RCOR1: variants seen among roughly 807,000 people sequenced by gnomAD.
RCOR1 encodes REST corepressor 1, also known as REST corepressor.
A neutral mutation model predicts 64.0 loss-of-function variants in RCOR1; 12 were observed. The ratio of observed to expected loss-of-function variants is 0.19; its 90% CI spans 0.12 to 0.30. RCOR1 has a LOEUF of 0.30. Ranked by LOEUF, RCOR1 falls within the 10% of genes least tolerant of loss-of-function variation. The probability of loss-of-function intolerance (pLI) is 1.00; values close to 1 mark genes in which losing one functional copy is unlikely to be tolerated. For synonymous variants in RCOR1, 279 were observed against 227.2 expected (o/e 1.23, Z -2.05); for missense variants, 502 against 621.2 (o/e 0.81, Z 2.04).
chr14:102,653,620 A>G (rs908109167), intron 2 of RCOR1, among the ~76,000 whole-genome samples: 1 of 152,090 alleles, frequency 6.6e-6, no homozygotes, highest in Admixed American at 6.6e-5. Flanking sequence ...GTGGGGGCCC[A>G]TGATTGGATC....
intron 2 of RCOR1, among the ~76,000 whole-genome samples, chr14:102,623,911 T>C (rs185817917): frequency 6.6e-6 from 1 of 150,666 alleles, no homozygotes; most frequent in East Asian, 2.0e-4. Context: ...TACAAAACAT[T>C]AGCTGGGCAT....
At chr14:102,615,833 TG>T (rs1276953828) in intron 2 of RCOR1, among the ~76,000 whole-genome samples, 2 of 152,174 alleles carry the variant, frequency 1.3e-5, no homozygotes, top group African/African-American at 4.8e-5. Flanking sequence ...AATACAAACT[TG>T]GGTTTCTACC....
intron 7 of RCOR1, among the ~76,000 whole-genome samples, 181 bp downstream of exon 7, chr14:102,711,194 G>C (rs1895949759): frequency 6.6e-6 from 1 of 152,230 alleles, no homozygotes; most frequent in South Asian, 2.1e-4. Context: ...TTTGCTAATA[G>C]ATATGAATAA....
At chr14:102,673,908 C>T (rs2139951337) in intron 2 of RCOR1, among the ~76,000 whole-genome samples, 1 of 152,324 alleles carries the variant, frequency 6.6e-6, no homozygotes, top group Non-Finnish European at 1.5e-5. Context: ...AGCCACCGCG[C>T]CCAGCCCCCG....
intron 2 of RCOR1, among the ~76,000 whole-genome samples, chr14:102,654,790 T>TG (rs1370268242): frequency 6.7e-6 from 1 of 149,778 alleles, no homozygotes; most frequent in Non-Finnish European, 1.5e-5. Context: ...GGTTGAGTTT[T>TG]TTTTTTTTTT....
intron 2 of RCOR1, among the ~76,000 whole-genome samples, chr14:102,614,901 G>A (rs1199282488): frequency 1.3e-5 from 2 of 150,022 alleles, no homozygotes; most frequent in East Asian, 2.0e-4. Flanking sequence ...GCGTGATCTC[G>A]GCTCACTGCA....
rs1464556843 is a variant in RCOR1, at chr14:102,730,491, A to T, written c.*3985A>T. The T allele has an allele frequency of 6.5e-6, 1 of 153,184 alleles. No individual in the cohort carries two copies. Among genetic ancestry groups the T allele is most frequent in the African/African-American group, 2.4e-5 (1 of 41,480 alleles). The allele number at this position is 153,184 out of a possible 1,614,324, so 9.5% of individuals were successfully genotyped here. On this transcript the variant is annotated 3_prime_UTR_variant, in exon 12 of 12. Coordinates refer to ENST00000262241, the MANE Select transcript of RCOR1 (RefSeq NM_015156.4). ...GGAAAATTTATTTGTGAAATTCTGC[A>T]GAATTCATTTTTCTATTTCCAATAT...
intron 4 of RCOR1, among the ~76,000 whole-genome samples, chr14:102,705,043 G>A (rs1312645827): frequency 5.3e-5 from 8 of 152,000 alleles, no homozygotes; most frequent in African/African-American, 1.9e-4. Flanking sequence ...GGAGGATCGC[G>A]TGAGCCTAGA....
intron 2 of RCOR1, among the ~76,000 whole-genome samples, chr14:102,619,324 T>C (rs1893824762): frequency 6.6e-6 from 1 of 152,146 alleles, no homozygotes; most frequent in Non-Finnish European, 1.5e-5. Flanking sequence ...TTCACCATGT[T>C]GGTTAGGCTG....
chr14:102,599,449 T>C (rs1438689645), intron 2 of RCOR1, among the ~76,000 whole-genome samples: 1 of 152,178 alleles, frequency 6.6e-6, no homozygotes, highest in African/African-American at 2.4e-5. Flanking sequence ...TTACTATTTT[T>C]TAATTTTTTT....
chr14:102,719,412 C>G (rs188176005), intron 8 of RCOR1, among the ~76,000 whole-genome samples: 1 of 152,118 alleles, frequency 6.6e-6, no homozygotes, highest in South Asian at 2.1e-4. Flanking sequence ...CCCAACCCCA[C>G]GACAGGCCCC....
intron 2 of RCOR1, among the ~76,000 whole-genome samples, chr14:102,677,562 A>G (rs1318413160): frequency 8.9e-6 from 1 of 112,088 alleles, no homozygotes; most frequent in African/African-American, 3.8e-5. Context: ...CATCCCAGAC[A>G]GGGCGGCGGG....
At chr14:102,596,864 C>T (rs1893261330) in intron 2 of RCOR1, among the ~76,000 whole-genome samples, 1 of 146,008 alleles carries the variant, frequency 6.8e-6, no homozygotes, top group African/African-American at 2.6e-5. Context: ...TGTGACTGCC[C>T]CTCCCCCCGC....
At chr14:102,711,530 T>A (rs547972981) in intron 7 of RCOR1, among the ~76,000 whole-genome samples, 5 of 152,194 alleles carry the variant, frequency 3.3e-5, no homozygotes, top group African/African-American at 7.2e-5. Flanking sequence ...CTTATCATTT[T>A]AAAAAATCAT....
intron 2 of RCOR1, among the ~76,000 whole-genome samples, chr14:102,634,731 C>T (rs1894200974): frequency 6.6e-6 from 1 of 151,334 alleles, no homozygotes; most frequent in Non-Finnish European, 1.5e-5. Flanking sequence ...GAGTCTTGCT[C>T]TATCGCTCAG....
At chr14:102,615,070 A>T (rs1286431213) in intron 2 of RCOR1, among the ~76,000 whole-genome samples, 2 of 150,744 alleles carry the variant, frequency 1.3e-5, no homozygotes, top group Non-Finnish European at 3.0e-5. Context: ...TGACCTCGTG[A>T]TGTGCCCGCC....
At chr14:102,611,174 C>T (rs1024391346) in intron 2 of RCOR1, among the ~76,000 whole-genome samples, 3 of 151,940 alleles carry the variant, frequency 2.0e-5, no homozygotes, top group Non-Finnish European at 2.9e-5. Context: ...ACCATTCAGG[C>T]GATTCTCCTG....
At chr14:102,651,530 G>A (rs1441365780) in intron 2 of RCOR1, among the ~76,000 whole-genome samples, 4 of 150,488 alleles carry the variant, frequency 2.7e-5, no homozygotes, top group African/African-American at 9.8e-5. Context: ...TCTAGCCTGG[G>A]CAACAGAGTG....
At chr14:102,623,950 T>C (rs1417800557) in intron 2 of RCOR1, among the ~76,000 whole-genome samples, 2 of 151,484 alleles carry the variant, frequency 1.3e-5, no homozygotes, top group Non-Finnish European at 2.9e-5. Flanking sequence ...TCCCAGCTAC[T>C]TGGGAGGCTG....
Sources: allele counts gnomAD v4.1 joint callset (sites outside exome capture counted in the v4.1 genomes callset), GRCh38; gene constraint gnomAD v4.1.1; transcripts MANE v1.5; gene names NCBI Gene and HGNC (gene_info 2026-07-23, HGNC 2026-07-21).